Variants in CADPS observed in about 807,000 individuals in gnomAD.
CADPS encodes the protein calcium dependent secretion activator.
CADPS carries 57 observed loss-of-function variants against 167.3 expected under a neutral mutation model. The observed-to-expected ratio is 0.34, with a 90% CI of 0.28 to 0.42. The LOEUF (loss-of-function observed/expected upper bound fraction) is 0.42, where lower values mean the gene tolerates loss of function less well. Among genes scored for constraint, CADPS ranks in the 20% least tolerant of loss-of-function variants. The probability of loss-of-function intolerance (pLI) is 1.00; values close to 1 mark genes in which losing one functional copy is unlikely to be tolerated. For synonymous variants in CADPS, 676 were observed against 635.3 expected (o/e 1.06, Z -0.96); for missense variants, 1,414 against 1,738.1 (o/e 0.81, Z 3.32).
chr3:62,445,828 G>C, intron 26 of CADPS, 31 bp from the exon 27 acceptor site: 5 of 1,464,190 alleles, frequency 3.4e-6, no homozygotes, highest in Non-Finnish European at 4.5e-6. Context: ...TGGAAGTGAG[G>C]CTGGTGTTTA....
chr3:62,789,116 A>G (rs928807325), intron 1 of CADPS, among the ~76,000 whole-genome samples: 3 of 152,194 alleles, frequency 2.0e-5, no homozygotes, highest in Non-Finnish European at 4.4e-5. Flanking sequence ...AACTGTGGCA[A>G]CATAAAACTG....
Position 62,465,762 on chromosome 3 carries a change from C to T in CADPS, c.3553-312G>A, listed in dbSNP as rs759466232. On this transcript the variant is annotated intron_variant, in intron 25 of 29. Transcript: ENST00000383710. The surrounding 1 kb of genome is among the most constrained non-coding windows in gnomAD (Gnocchi z 4.1). ...ATGCACTTTTTAAAATCCAAAACTG[C>T]GCAAAGCAGTTTCTACGTTACATAT... 2.6e-5 allele frequency among the ~76,000 whole-genome samples: 4 copies of T among 152,182 alleles called. No individual in the cohort carries two copies. Among genetic ancestry groups the T allele is most frequent in the Admixed American group, 6.5e-5 (1 of 15,282 alleles).
chr3:62,444,843 A>G (rs1180587722), intron 27 of CADPS, among the ~76,000 whole-genome samples: 2 of 152,206 alleles, frequency 1.3e-5, no homozygotes, highest in Non-Finnish European at 2.9e-5. Context: ...TTTAACAAAT[A>G]AGTATTTGAA....
intron 1 of CADPS, among the ~76,000 whole-genome samples, chr3:62,803,461 G>C (rs752047751): frequency 1.3e-5 from 2 of 151,924 alleles, no homozygotes; most frequent in Admixed American, 1.3e-4. Flanking sequence ...GTGAGGGGGA[G>C]ACTGCTACTG....
At chr3:62,647,125 A>G (rs1214178897) in intron 5 of CADPS, among the ~76,000 whole-genome samples, 1 of 152,242 alleles carries the variant, frequency 6.6e-6, no homozygotes, top group Non-Finnish European at 1.5e-5. Context: ...CAAATGACTC[A>G]CATCAGAGAT....
intron 6 of CADPS, among the ~76,000 whole-genome samples, chr3:62,643,648 C>A (rs1374019306): frequency 6.6e-6 from 1 of 152,230 alleles, no homozygotes; most frequent in Non-Finnish European, 1.5e-5. Flanking sequence ...GAAACCGTTG[C>A]ATCTGATCGA....
chr3:62,701,050 C>T (rs6445289), intron 3 of CADPS, among the ~76,000 whole-genome samples: 77,177 of 151,676 alleles, frequency 0.51, 20,404 homozygotes, highest in African/African-American at 0.6. Context: ...AGAAGGGCAC[C>T]AATCCCATTC....
At chr3:62,801,299 C>G (rs1445363369) in intron 1 of CADPS, among the ~76,000 whole-genome samples, 1 of 152,030 alleles carries the variant, frequency 6.6e-6, no homozygotes, top group Non-Finnish European at 1.5e-5. Flanking sequence ...TGCCCCACAA[C>G]TGTTCTTTGG....
intron 5 of CADPS, among the ~76,000 whole-genome samples, chr3:62,646,678 G>T (rs1177262173): frequency 6.6e-6 from 1 of 152,210 alleles, no homozygotes; most frequent in Admixed American, 6.5e-5. Context: ...TGCTCCTTCT[G>T]AAGGGAGCAG....
Position 62,753,596 on chromosome 3 carries a change from A to C in CADPS, c.733T>G (p.Tyr245Asp), listed in dbSNP as rs1443411062. Residue 245 changes from tyrosine to aspartate, a missense_variant, in exon 3 of 30, where the codon TAC (tyrosine) becomes GAC (aspartate). Around this residue, in one of 6 missense-constraint regions of CADPS, gnomAD observed 522 missense variants for 559.5 expected, o/e 0.93. Coordinates refer to ENST00000383710, the MANE Select transcript of CADPS (RefSeq NM_003716.4). The surrounding 1 kb of genome is among the most constrained non-coding windows in gnomAD (Gnocchi z 4.6). Reference protein sequence around the residue: ...SSWMAKFDAIYRGEEDPRKQQ... With the variant: ...SSWMAKFDAIDRGEEDPRKQQ... ...TTCCGCGGGTCCTCTTCTCCACGGTAGATGGCATCAAATTTGGCCATCCAG... is the reference window on the plus strand; with the variant it reads ...TTCCGCGGGTCCTCTTCTCCACGGTCGATGGCATCAAATTTGGCCATCCAG... 1.2e-6 allele frequency: 2 copies of C among 1,614,204 alleles called. No individual in the cohort carries two copies. The highest frequency in any genetic ancestry group is 2.2e-5 in the South Asian group (2 of 91,082).
intron 3 of CADPS, among the ~76,000 whole-genome samples, chr3:62,737,110 C>T (rs9844731): frequency 0.16 from 23,713 of 151,908 alleles, 2,424 homozygotes; most frequent in African/African-American, 0.3. Context: ...TGCACTCCAG[C>T]CTGGGCAACA....
chr3:62,435,273 C>T (rs1006894122), intron 28 of CADPS, among the ~76,000 whole-genome samples: 3 of 152,134 alleles, frequency 2.0e-5, no homozygotes, highest in Non-Finnish European at 2.9e-5. Flanking sequence ...TTCACAGACC[C>T]TTCTGCCTTG....
chr3:62,716,968 G>C (rs1442855501), intron 3 of CADPS, among the ~76,000 whole-genome samples: 6 of 152,112 alleles, frequency 3.9e-5, no homozygotes, highest in Admixed American at 1.3e-4. Flanking sequence ...TCACGATGTA[G>C]ACCATTCAAG....
intron 1 of CADPS, among the ~76,000 whole-genome samples, chr3:62,776,530 T>C (rs2090349409): frequency 1.3e-5 from 2 of 152,124 alleles, no homozygotes. Flanking sequence ...GGCGGGCGCC[T>C]GTAGTCTCAG....
intron 4 of CADPS, among the ~76,000 whole-genome samples, chr3:62,658,880 T>G (rs963220357): frequency 2.0e-5 from 3 of 152,170 alleles, no homozygotes; most frequent in African/African-American, 7.2e-5. Flanking sequence ...TTGCAGGGGA[T>G]AAGAAAGAAA....
chr3:62,603,017 G>A (rs1054321903), intron 6 of CADPS, among the ~76,000 whole-genome samples: 4 of 152,162 alleles, frequency 2.6e-5, no homozygotes, highest in Admixed American at 6.5e-5. Context: ...GGAAGCAGGC[G>A]GGGGCAATAT....
At chr3:62,576,891 G>A (rs2082398418) in intron 8 of CADPS, among the ~76,000 whole-genome samples, 1 of 150,726 alleles carries the variant, frequency 6.6e-6, no homozygotes, top group Non-Finnish European at 1.5e-5. Context: ...CACATGTCTG[G>A]GTTTGGAGCT....
intron 6 of CADPS, among the ~76,000 whole-genome samples, chr3:62,641,823 G>A (rs113713827): frequency 6.6e-6 from 1 of 151,978 alleles, no homozygotes; most frequent in Non-Finnish European, 1.5e-5. Flanking sequence ...ATAAGTATGG[G>A]CCACAATTTA....
intron 6 of CADPS, among the ~76,000 whole-genome samples, chr3:62,636,671 G>A (rs1294203174): frequency 6.6e-6 from 1 of 152,134 alleles, no homozygotes; most frequent in African/African-American, 2.4e-5. Flanking sequence ...CACATAGAAA[G>A]TATTATCTTA....
Sources: allele counts gnomAD v4.1 joint callset (sites outside exome capture counted in the v4.1 genomes callset), GRCh38; gene constraint gnomAD v4.1.1; regional missense constraint gnomAD v4.1.1; non-coding constraint Gnocchi (gnomAD v3.1); transcripts MANE v1.5; gene names NCBI Gene and HGNC (gene_info 2026-07-23, HGNC 2026-07-21).